Variants in FSTL5 observed in about 807,000 individuals in gnomAD.
The protein encoded by FSTL5 is follistatin like 5, also known as follistatin-related protein 5.
Under a neutral mutation model 89.1 loss-of-function variants are expected in FSTL5, and 62 were observed. The observed-to-expected ratio is 0.70, with a 90% CI of 0.57 to 0.86. The LOEUF (loss-of-function observed/expected upper bound fraction) is 0.86, where lower values mean the gene tolerates loss of function less well. Ranked by LOEUF, FSTL5 falls within the 40% of genes least tolerant of loss-of-function variation. The pLI is 0.00. For missense variants in FSTL5, 1,057 were observed against 1,001.6 expected (o/e 1.06, Z -0.75); for synonymous variants, 383 against 346.2 (o/e 1.11, Z -1.18).
chr4:161,952,970 G>A (rs930046802), intron 3 of FSTL5, among the ~76,000 whole-genome samples: 2 of 151,622 alleles, frequency 1.3e-5, no homozygotes, highest in African/African-American at 4.8e-5. Context: ...TAAATTATAT[G>A]ATCATTTACT....
Position 161,682,678 on chromosome 4 carries a change from G to A in FSTL5, c.728-26184C>T, listed in dbSNP as rs146804102. On this transcript the variant is annotated intron_variant, in intron 6 of 15. Transcript: ENST00000306100. ...GGGCAAAAACTGGTATAGAGCTGTC[G>A]TCTCCTATGATAACAATGCCTTCTT... Among the ~76,000 whole-genome samples the A allele has an allele frequency of 6.1e-3, 921 of 152,102 alleles. 11 individuals carry two copies. Among genetic ancestry groups the A allele is most frequent in the South Asian group, 0.047 (226 of 4,826 alleles).
At chr4:161,830,805 A>C (rs913536018) in intron 4 of FSTL5, among the ~76,000 whole-genome samples, 5 of 151,984 alleles carry the variant, frequency 3.3e-5, no homozygotes, top group African/African-American at 1.2e-4. Context: ...AGAGAAGTAA[A>C]CCAGCATTTC....
chr4:161,589,217 A>G (rs1477785441), intron 7 of FSTL5, among the ~76,000 whole-genome samples: 1 of 151,908 alleles, frequency 6.6e-6, no homozygotes, highest in Non-Finnish European at 1.5e-5. Flanking sequence ...CTTGTTGTCC[A>G]AGCTGAAGTG....
chr4:162,159,587 A>G (rs1178379936), intron 1 of FSTL5, among the ~76,000 whole-genome samples: 1 of 152,028 alleles, frequency 6.6e-6, no homozygotes, highest in Non-Finnish European at 1.5e-5. Context: ...TACCACATTT[A>G]TGTGTGAAAA....
chr4:161,392,667 C>T (rs544251257), intron 15 of FSTL5, among the ~76,000 whole-genome samples: 186 of 152,178 alleles, frequency 1.2e-3, no homozygotes, highest in Non-Finnish European at 2.3e-3. Flanking sequence ...GTTGTTCTTC[C>T]TAATTTGGGA....
intron 8 of FSTL5, among the ~76,000 whole-genome samples, chr4:161,574,059 T>C (rs1733126787): frequency 6.6e-6 from 1 of 152,142 alleles, no homozygotes; most frequent in South Asian, 2.1e-4. Flanking sequence ...TACAACCTTT[T>C]GCTCTGTTAT....
At position 161,748,606 on chromosome 4, in the gene FSTL5, G is replaced by GTT. The variant is rs5863480; in HGVS notation, c.727+10803_727+10804dup. ...CTGAAATAATGCAAAGGGGAAGCAC[G>GTT]TTTTTTTTTTTTTTTTTTTTTTCTC... On this transcript the variant is annotated intron_variant, in intron 6 of 15. Coordinates refer to ENST00000306100, the MANE Select transcript of FSTL5 (RefSeq NM_020116.5). Among the ~76,000 whole-genome samples, 111 of 103,494 alleles carry GTT rather than the reference G, an allele frequency of 1.1e-3. 1 individual carries two copies. The highest frequency in any genetic ancestry group is 2.3e-3 in the African/African-American group (67 of 29,766). 67.9% of individuals were successfully genotyped at this position (103,494 alleles called of 152,430 possible).
intron 3 of FSTL5, among the ~76,000 whole-genome samples, chr4:161,986,940 T>C (rs1187538443): frequency 6.6e-6 from 1 of 152,140 alleles, no homozygotes; most frequent in Non-Finnish European, 1.5e-5. Flanking sequence ...ATCCTAAAAG[T>C]ATGGTATTCA....
intron 6 of FSTL5, among the ~76,000 whole-genome samples, chr4:161,694,819 C>T (rs947988090): frequency 1.7e-5 from 2 of 120,620 alleles, no homozygotes; most frequent in Admixed American, 8.3e-5. Flanking sequence ...TGTTCATTTG[C>T]TTAGTGTTTG....
intron 1 of FSTL5, among the ~76,000 whole-genome samples, chr4:162,136,279 C>T (rs1410618861): frequency 6.6e-6 from 1 of 151,938 alleles, no homozygotes; most frequent in Admixed American, 6.6e-5. Context: ...AATAGTCATA[C>T]CGAAGTGGGC....
At chr4:161,929,864 G>A (rs769596532) in intron 3 of FSTL5, among the ~76,000 whole-genome samples, 1 of 151,590 alleles carries the variant, frequency 6.6e-6, no homozygotes, top group Non-Finnish European at 1.5e-5. Context: ...AGGAAAAAGT[G>A]AAAAATTCAG....
At chr4:161,449,836 C>G (rs1733097063) in intron 15 of FSTL5, among the ~76,000 whole-genome samples, 2 of 152,030 alleles carry the variant, frequency 1.3e-5, no homozygotes, top group African/African-American at 4.8e-5. Context: ...CCAAATAACC[C>G]AAATGTTAGC....
At chr4:161,657,745 G>A (rs192707383) in intron 6 of FSTL5, among the ~76,000 whole-genome samples, 14 of 152,264 alleles carry the variant, frequency 9.2e-5, no homozygotes, top group Non-Finnish European at 1.3e-4. Flanking sequence ...CAAACATGGC[G>A]TATGTGTTTG....
chr4:161,712,557 T>A (rs1467282533), intron 6 of FSTL5, among the ~76,000 whole-genome samples: 1 of 152,186 alleles, frequency 6.6e-6, no homozygotes, highest in Non-Finnish European at 1.5e-5. Context: ...TATATTGATA[T>A]TTAAACACTT....
At chr4:161,780,281 A>T (rs1391998854) in intron 4 of FSTL5, among the ~76,000 whole-genome samples, 1 of 151,900 alleles carries the variant, frequency 6.6e-6, no homozygotes, top group Non-Finnish European at 1.5e-5. Flanking sequence ...GACATTTAGA[A>T]ATTGTGCCCC....
At chr4:161,583,410 G>A (rs754411968) in intron 8 of FSTL5, among the ~76,000 whole-genome samples, 9 of 152,130 alleles carry the variant, frequency 5.9e-5, no homozygotes, top group African/African-American at 1.4e-4. Flanking sequence ...TCCCCAAACC[G>A]CCCTATCTTG....
At chr4:161,721,350 C>A (rs1579047210) in intron 6 of FSTL5, among the ~76,000 whole-genome samples, 1 of 143,014 alleles carries the variant, frequency 7.0e-6, no homozygotes. Flanking sequence ...GTTCCTATCA[C>A]AAAAGGTTTT....
At position 161,562,008 on chromosome 4, in the gene FSTL5, A is replaced by G. The variant is rs553015340; in HGVS notation, c.1016-19315T>C. Among the ~76,000 whole-genome samples the G allele has an allele frequency of 2.8e-4, 42 of 152,092 alleles. No individual in the cohort carries two copies. In the South Asian group the frequency reaches 3.1e-3, roughly 11 times the overall value. ...CATGGCATGCATCTGGTTCTGTCCA[A>G]TGAGAGCCAGAATCTCAGGACACCC... On this transcript the variant is annotated intron_variant, in intron 8 of 15. Transcript: ENST00000306100.
chr4:161,758,578 G>A (rs1740662087), intron 6 of FSTL5, among the ~76,000 whole-genome samples: 1 of 151,932 alleles, frequency 6.6e-6, no homozygotes, highest in African/African-American at 2.4e-5. Flanking sequence ...GACTGCAATG[G>A]CGCCATCTTG....
Sources: gnomAD v4.1 joint callset for allele counts (sites outside exome capture counted in the v4.1 genomes callset) on GRCh38, gnomAD v4.1.1 for gene constraint, MANE v1.5 for transcripts, NCBI Gene and HGNC (gene_info 2026-07-23, HGNC 2026-07-21) for gene names.